The following CDC73 variants were observed in gnomAD, a reference collection of about 807,000 sequenced individuals.
CDC73 encodes the protein parafibromin.
In CDC73, 21 loss-of-function variants were observed where a neutral mutation model predicts 83.7. The ratio of observed to expected loss-of-function variants is 0.25; its 90% confidence interval spans 0.18 to 0.36. The LOEUF is 0.36. Among genes scored for constraint, CDC73 ranks in the 10% least tolerant of loss-of-function variants. The pLI is 1.00. For missense variants in CDC73, 342 were observed against 653.3 expected (o/e 0.52, Z 5.19); for synonymous variants, 224 against 212.9 (o/e 1.05, Z -0.45).
chr1:193,153,845 A>G (rs1316352512), intron 10 of CDC73, among the ~76,000 whole-genome samples: 1 of 152,108 alleles, frequency 6.6e-6, no homozygotes, highest in Non-Finnish European at 1.5e-5. Flanking sequence ...TTAGAGAGAG[A>G]AGTCAGAGAT....
chr1:193,244,304 T>C (rs1677913528), intron 15 of CDC73, among the ~76,000 whole-genome samples: 1 of 152,210 alleles, frequency 6.6e-6, no homozygotes, highest in Non-Finnish European at 1.5e-5. Flanking sequence ...AAAATGGCAA[T>C]CATATAATTT....
chr1:193,201,108 C>T (rs1572194528), intron 10 of CDC73, among the ~76,000 whole-genome samples: 1 of 151,714 alleles, frequency 6.6e-6, no homozygotes, highest in African/African-American at 2.4e-5. Flanking sequence ...GGTGTGTATA[C>T]CAACTCAAAA....
intron 11 of CDC73, among the ~76,000 whole-genome samples, chr1:193,205,195 T>TTCCCC (rs1553287530): frequency 1.6e-5 from 1 of 64,450 alleles, no homozygotes; most frequent in Non-Finnish European, 2.6e-5. Flanking sequence ...ATACCACCTG[T>TTCCCC]CCCCCCCCCC....
chr1:193,210,964 C>T (rs186069319), intron 11 of CDC73, among the ~76,000 whole-genome samples: 4 of 152,296 alleles, frequency 2.6e-5, no homozygotes, highest in South Asian at 2.1e-4. Context: ...TAAGCGTATT[C>T]GCACTTCGCA....
chr1:193,185,576 T>C (rs1676792958), intron 10 of CDC73, among the ~76,000 whole-genome samples: 1 of 152,126 alleles, frequency 6.6e-6, no homozygotes, highest in Non-Finnish European at 1.5e-5. Flanking sequence ...AAAAAAACTC[T>C]TAAGGTTTTC....
At chr1:193,208,912 A>C (rs1314216093) in intron 11 of CDC73, among the ~76,000 whole-genome samples, 2 of 151,974 alleles carry the variant, frequency 1.3e-5, no homozygotes, top group Non-Finnish European at 2.9e-5. Flanking sequence ...CATCTTTCAA[A>C]TTTCAGCTTA....
chr1:193,157,556 A>G (rs1431079962), intron 10 of CDC73, among the ~76,000 whole-genome samples: 1 of 152,214 alleles, frequency 6.6e-6, no homozygotes, highest in Non-Finnish European at 1.5e-5. Flanking sequence ...CTGGGTCTGT[A>G]GTCTCACATG....
At chr1:193,147,567 C>T (rs1474800773) in intron 7 of CDC73, among the ~76,000 whole-genome samples, 1 of 151,940 alleles carries the variant, frequency 6.6e-6, no homozygotes, top group East Asian at 1.9e-4. Context: ...CGGGGTTTCA[C>T]CTGTGTTAGC....
intron 15 of CDC73, among the ~76,000 whole-genome samples, chr1:193,243,714 T>TG (rs1350521430): frequency 6.6e-6 from 1 of 152,212 alleles, no homozygotes; most frequent in Non-Finnish European, 1.5e-5. Flanking sequence ...GAATACTACT[T>TG]TGAAAGTAAG....
chr1:193,174,593 G>C (rs1300177800), intron 10 of CDC73, among the ~76,000 whole-genome samples: 1 of 152,014 alleles, frequency 6.6e-6, no homozygotes, highest in Non-Finnish European at 1.5e-5. Context: ...TAATATATAG[G>C]CCCTCAAGTG....
At chr1:193,156,934 C>G (rs1451704536) in intron 10 of CDC73, among the ~76,000 whole-genome samples, 1 of 152,022 alleles carries the variant, frequency 6.6e-6, no homozygotes, top group Non-Finnish European at 1.5e-5. Context: ...ACTTTATGAT[C>G]TGATTGGGGA....
chr1:193,246,062 C>G (rs1239153782), intron 15 of CDC73, among the ~76,000 whole-genome samples: 1 of 152,076 alleles, frequency 6.6e-6, no homozygotes, highest in African/African-American at 2.4e-5. Context: ...CAGATATTTT[C>G]TCCCATTCTT....
Position 193,193,779 on chromosome 1 carries a change from TAG to T in CDC73, c.973-10015_973-10014del, listed in dbSNP as rs1676957023. 3.8e-5 allele frequency among the ~76,000 whole-genome samples: 4 copies of T among 105,126 alleles called. No homozygotes were observed. The South Asian group carries it at 1.5e-3, about 38-fold the overall frequency. 69.0% of individuals were successfully genotyped at this position (105,126 alleles called of 152,430 possible). On this transcript the variant is annotated intron_variant, in intron 10 of 16. Coordinates refer to ENST00000367435, the MANE Select transcript of CDC73 (RefSeq NM_024529.5). The stretch of plus-strand genomic sequence containing the variant: ...CAGAACATTTCAGCTGTCTTACTTG[TAG>T]TGTGTGTGTGTGTGTGTGTGTGTGT...
At chr1:193,244,349 A>G (rs1677914124) in intron 15 of CDC73, among the ~76,000 whole-genome samples, 1 of 152,238 alleles carries the variant, frequency 6.6e-6, no homozygotes, top group Non-Finnish European at 1.5e-5. Context: ...GTGGCTTACT[A>G]TCACATGTGG....
At chr1:193,229,272 A>G (rs1372423667) in intron 13 of CDC73, among the ~76,000 whole-genome samples, 1 of 152,256 alleles carries the variant, frequency 6.6e-6, no homozygotes, top group Non-Finnish European at 1.5e-5. Flanking sequence ...GGAATTATTT[A>G]TGTTAGCTTT....
intron 10 of CDC73, among the ~76,000 whole-genome samples, chr1:193,199,194 TTA>T (rs1677049660): frequency 1.3e-5 from 2 of 152,284 alleles, no homozygotes; most frequent in African/African-American, 4.8e-5. Context: ...CTAAAATCCT[TTA>T]TGTTTTTTAG....
At chr1:193,231,805 A>ACTCT (rs1201911604) in intron 13 of CDC73, among the ~76,000 whole-genome samples, 1 of 151,792 alleles carries the variant, frequency 6.6e-6, no homozygotes, top group African/African-American at 2.4e-5. Flanking sequence ...TTTTCAGAGA[A>ACTCT]CTCTAATTAG....
At chr1:193,139,449 C>T (rs1158913102) in intron 6 of CDC73, among the ~76,000 whole-genome samples, 1 of 152,042 alleles carries the variant, frequency 6.6e-6, no homozygotes, top group Non-Finnish European at 1.5e-5. Context: ...GCATGTTTTG[C>T]TCTTTTTTAA....
chr1:193,130,316 G>A, intron 3 of CDC73, 73 bp downstream of exon 3: 2 of 949,704 alleles, frequency 2.1e-6, no homozygotes, highest in Non-Finnish European at 3.4e-6. Flanking sequence ...ATAATGATTA[G>A]AGGGAAGAGA....
Sources: gnomAD v4.1 joint callset for allele counts (sites outside exome capture counted in the v4.1 genomes callset) on GRCh38, gnomAD v4.1.1 for gene constraint, MANE v1.5 for transcripts, NCBI Gene and HGNC (gene_info 2026-07-23, HGNC 2026-07-21) for gene names.